PCDH9: variants seen among roughly 807,000 people sequenced by gnomAD.
The protein encoded by PCDH9 is protocadherin-9.
Under a neutral mutation model 70.6 loss-of-function variants are expected in PCDH9, and 24 were observed. That is an observed-to-expected ratio of 0.34 (90% confidence interval 0.25 to 0.48). The LOEUF is 0.48. Among genes scored for constraint, PCDH9 ranks in the 20% least tolerant of loss-of-function variants. The pLI is 0.99. For missense variants in PCDH9, 1,281 were observed against 1,503.6 expected (o/e 0.85, Z 2.45); for synonymous variants, 562 against 558.5 (o/e 1.01, Z -0.09).
chr13:66,487,424 C>G (rs965803025), intron 4 of PCDH9, among the ~76,000 whole-genome samples: 9 of 152,228 alleles, frequency 5.9e-5, no homozygotes, highest in South Asian at 2.1e-4. Flanking sequence ...AAACTACATA[C>G]ATGGCCATCA....
At chr13:66,737,688 C>T (rs899305562) in intron 3 of PCDH9, among the ~76,000 whole-genome samples, 2 of 152,200 alleles carry the variant, frequency 1.3e-5, no homozygotes, top group South Asian at 4.1e-4. Flanking sequence ...ACCTGGGAAG[C>T]ACAAGGGGTC....
chr13:66,681,954 T>C lies in PCDH9; in HGVS notation c.3139-50543A>G, dbSNP rs536501850. 1.1e-3 allele frequency among the ~76,000 whole-genome samples: 162 copies of C among 148,266 alleles called. 2 individuals carry two copies. The highest frequency in any genetic ancestry group is 4.0e-3 in the African/African-American group (160 of 40,078). ...GTACATATGAGTATATACAAACATA[T>C]ATATATATATATATTTGAGAGATTT... On this transcript the variant is annotated intron_variant, in intron 3 of 4. Transcript: ENST00000377865.
At chr13:66,786,124 T>G (rs2080076196) in intron 3 of PCDH9, among the ~76,000 whole-genome samples, 1 of 152,228 alleles carries the variant, frequency 6.6e-6, no homozygotes, top group Non-Finnish European at 1.5e-5. Context: ...GTTACATGGC[T>G]AATTAGCACC....
At chr13:66,331,401 G>T (rs1050016720) in intron 4 of PCDH9, among the ~76,000 whole-genome samples, 1 of 152,040 alleles carries the variant, frequency 6.6e-6, no homozygotes, top group Admixed American at 6.6e-5. Context: ...CTTCATGAGC[G>T]CCAGAGGAGA....
chr13:66,822,453 A>G (rs1594104970), intron 3 of PCDH9, among the ~76,000 whole-genome samples: 1 of 151,502 alleles, frequency 6.6e-6, no homozygotes, highest in African/African-American at 2.4e-5. Context: ...TGCTAGAGCT[A>G]TACTAAACAA....
intron 2 of PCDH9, chr13:67,211,711 G>A (rs540578451): frequency 6.6e-6 from 1 of 151,976 alleles, no homozygotes; most frequent in African/African-American, 2.4e-5. Context: ...TGTTTTCAAC[G>A]TTTATATCAT....
chr13:66,747,128 G>T (rs9599142), intron 3 of PCDH9, among the ~76,000 whole-genome samples: 74,428 of 151,978 alleles, frequency 0.49, 20,364 homozygotes, highest in Non-Finnish European at 0.63. Flanking sequence ...GAGGCGGGTG[G>T]ATCACGAGGT....
rs540733669 is a variant in PCDH9 at position 67,043,552 on chromosome 13, G to T, written c.3037-139947C>A. Among the ~76,000 whole-genome samples the T allele has an allele frequency of 9.9e-5, 15 of 152,202 alleles. No homozygotes were observed. In the East Asian group the frequency reaches 2.5e-3, roughly 25 times the overall value. On this transcript the variant is annotated intron_variant, in intron 2 of 4. Transcript: ENST00000377865. ...GGAAATAATGTGATAAAATTATAGG[G>T]TCTATGGGCCAATGAGATAAAAATA...
chr13:66,730,876 G>GTGTTTTTTTTTTT (rs1555262846), intron 3 of PCDH9, among the ~76,000 whole-genome samples: 12 of 46,354 alleles, frequency 2.6e-4, no homozygotes, highest in African/African-American at 8.3e-4. Flanking sequence ...GTGTGTGTGT[G>GTGTTTTTTTTTTT]TTTTTTTTTT....
chr13:66,778,410 T>C (rs1594048501), intron 3 of PCDH9, among the ~76,000 whole-genome samples: 1 of 152,184 alleles, frequency 6.6e-6, no homozygotes, highest in African/African-American at 2.4e-5. Flanking sequence ...TAGCTTCTCA[T>C]TGTAGCTCAT....
At chr13:66,992,306 A>G (rs548837454) in intron 2 of PCDH9, among the ~76,000 whole-genome samples, 2 of 152,190 alleles carry the variant, frequency 1.3e-5, no homozygotes, top group East Asian at 3.9e-4. Context: ...GCAGTGGAGG[A>G]AAGGTACTGC....
intron 3 of PCDH9, among the ~76,000 whole-genome samples, chr13:66,818,088 C>G (rs1221236477): frequency 6.6e-6 from 1 of 152,100 alleles, no homozygotes; most frequent in Admixed American, 6.6e-5. Flanking sequence ...TTTTAATTGG[C>G]TTTCTTCATT....
At chr13:66,838,236 G>C (rs1242228154) in intron 3 of PCDH9, among the ~76,000 whole-genome samples, 2 of 151,734 alleles carry the variant, frequency 1.3e-5, no homozygotes, top group Non-Finnish European at 2.9e-5. Context: ...TTCTTGAAAG[G>C]TCTCTTTGGG....
intron 4 of PCDH9, among the ~76,000 whole-genome samples, chr13:66,356,386 A>T (rs1956382723): frequency 6.6e-6 from 1 of 152,102 alleles, no homozygotes; most frequent in Admixed American, 6.6e-5. Flanking sequence ...CTATAAATAT[A>T]CTTTCTTTTC....
intron 2 of PCDH9, among the ~76,000 whole-genome samples, chr13:66,960,004 C>A (rs1028306489): frequency 4.6e-5 from 7 of 152,062 alleles, no homozygotes; most frequent in Admixed American, 3.3e-4. Context: ...AATCAGAATA[C>A]TTATTAGGGA....
rs553603528 is a variant in PCDH9 at position 66,657,801 on chromosome 13, T to C, written c.3139-26390A>G. Among the ~76,000 whole-genome samples the C allele has an allele frequency of 3.9e-5, 6 of 152,324 alleles. No individual in the cohort carries two copies. In the South Asian group the frequency reaches 1.2e-3, roughly 32 times the overall value. ...ACCACTTACAAGGATTACCTGTTTATTATGATGTGCATTATTAGCCTAATG... is the reference window on the plus strand; with the variant it reads ...ACCACTTACAAGGATTACCTGTTTACTATGATGTGCATTATTAGCCTAATG... On this transcript the variant is annotated intron_variant, in intron 3 of 4. Transcript: ENST00000377865.
intron 4 of PCDH9, among the ~76,000 whole-genome samples, chr13:66,553,640 C>T (rs996520247): frequency 2.0e-5 from 3 of 152,068 alleles, no homozygotes; most frequent in Admixed American, 6.6e-5. Flanking sequence ...CCAGGGAGTA[C>T]ACAATTTTGT....
At chr13:66,976,805 C>G (rs776632571) in intron 2 of PCDH9, among the ~76,000 whole-genome samples, 4 of 152,036 alleles carry the variant, frequency 2.6e-5, no homozygotes, top group Non-Finnish European at 4.4e-5. Context: ...AAGGATAAAT[C>G]TGATGTTTGG....
chr13:66,366,741 C>T (rs1403787752), intron 4 of PCDH9, among the ~76,000 whole-genome samples: 1 of 151,880 alleles, frequency 6.6e-6, no homozygotes, highest in Non-Finnish European at 1.5e-5. Flanking sequence ...TAATAAGCAT[C>T]CCCAAAACAT....
Sources: allele counts gnomAD v4.1 joint callset (sites outside exome capture counted in the v4.1 genomes callset), GRCh38; gene constraint gnomAD v4.1.1; transcripts MANE v1.5; gene names NCBI Gene and HGNC (gene_info 2026-07-23, HGNC 2026-07-21).